The following HSP90B1 variants were observed in gnomAD, a reference collection of about 807,000 sequenced individuals.
HSP90B1 encodes heat shock protein 90 beta family member 1.
HSP90B1 carries 27 observed loss-of-function variants against 100.4 expected under a neutral mutation model. That is an observed-to-expected ratio of 0.27 (90% CI 0.20 to 0.37). The LOEUF (loss-of-function observed/expected upper bound fraction) is 0.37. HSP90B1 is among the 10% of genes least tolerant of loss of function. HSP90B1 has a pLI of 1.00. For synonymous variants in HSP90B1, 304 were observed against 330.8 expected (o/e 0.92, Z 0.88); for missense variants, 678 against 960.5 (o/e 0.71, Z 3.89).
intron 14 of HSP90B1, 108 bp from the exon 15 acceptor site, chr12:103,946,507 ATTT>A (rs374207514): frequency 6.5e-6 from 4 of 611,056 alleles, no homozygotes; most frequent in Admixed American, 3.2e-5. Flanking sequence ...GTACATTTTG[ATTT>A]TTTTTTTTTA....
rs1485338698 is a variant in HSP90B1 at position 103,943,074 on chromosome 12, G to A, written c.1645G>A (p.Ala549Thr). The change falls in exon 13 of 18, where the codon GCT becomes ACT. Residue 549 changes from alanine (A) to threonine (T), a missense_variant and splice_region_variant. Coordinates refer to ENST00000299767, the MANE Select transcript of HSP90B1 (RefSeq NM_003299.3). The surrounding 1 kb of genome is among the most constrained non-coding windows in gnomAD (Gnocchi z 5.3). ...YFMAGSSRKE[A>T]ESSPFVERLL... ...ACTTTGTGACTTCTTAATTTTGTAG[G>A]CTGAATCTTCTCCATTTGTTGAGCG... 4 of 1,613,764 alleles carry A rather than the reference G, an allele frequency of 2.5e-6. No individual in the cohort carries two copies. Among genetic ancestry groups the A allele is most frequent in the Non-Finnish European group, 8.5e-7 (1 of 1,179,874 alleles).
Position 103,941,851 on chromosome 12 carries a change from C to T in HSP90B1, c.1328C>T (p.Pro443Leu). The T allele has an allele frequency of 6.2e-7, 1 of 1,613,902 alleles. No individual in the cohort carries two copies. The highest frequency in any genetic ancestry group is 8.5e-7 in the Non-Finnish European group (1 of 1,179,850). ...CTGAAGGTGGACTCAGATGATCTCC[C>T]CTTGAATGTTTCCCGCGAGACTCTT... is the stretch of plus-strand genomic sequence containing the variant. ...VKGVVDSDDL[P>L]LNVSRETLQQ... The change falls in exon 11 of 18, where the codon CCC (proline) becomes CTC (leucine). Residue 443 changes from proline (P) to leucine (L), a missense_variant. Transcript: ENST00000299767.
chr12:103,939,358 C>A, intron 7 of HSP90B1, 151 bp from the exon 8 acceptor site: 1 of 360,148 alleles, frequency 2.8e-6, no homozygotes, highest in Non-Finnish European at 4.8e-6. Flanking sequence ...CTACCCTAAC[C>A]TCCCAAAGTG....
In HSP90B1 at chr12:103,937,782, T is replaced by C. The variant is rs1289061252; in HGVS notation, c.831T>C (p.Phe277=). The C allele has an allele frequency of 1.2e-5, 18 of 1,546,760 alleles. No homozygotes were observed. The highest frequency in any genetic ancestry group is 1.4e-5 in the Non-Finnish European group (16 of 1,120,284). The part of the protein sequence containing the change: ...LVKKYSQFIN[F]PIYVWSSKTE... ...AAAAATATTCACAGTTCATAAACTT[T>C]CCTATTTATGTATGGAGCAGCAAGG... The change falls in exon 6 of 18, where the codon TTT becomes TTC. Residue 277 remains phenylalanine (F), a synonymous_variant. Coordinates refer to ENST00000299767, the MANE Select transcript of HSP90B1 (RefSeq NM_003299.3).
intron 5 of HSP90B1, 49 bp from the exon 6 acceptor site, chr12:103,937,646 C>A: frequency 1.1e-6 from 1 of 881,368 alleles, no homozygotes; most frequent in Non-Finnish European, 1.9e-6. Flanking sequence ...AATTTATAAT[C>A]AGATCTTCTA....
In HSP90B1 at chr12:103,947,344, ACAG is replaced by A. The variant is rs1870266077; in HGVS notation, c.2300_2302del (p.Ala767del). 3 of 1,603,090 alleles carry A rather than the reference ACAG, an allele frequency of 1.9e-6. No individual in the cohort carries two copies. The highest frequency in any genetic ancestry group is 1.3e-5 in the African/African-American group (1 of 74,276). On this transcript the variant is annotated inframe_deletion, in exon 17 of 18. Transcript: ENST00000299767. ...AGAGCCCGAAGAAGAACCTGAAGAG[ACAG>A]CAGAAGACACAACAGAAGACACAGA...
Position 103,943,665 on chromosome 12 carries a change from A to C in HSP90B1, c.1891-73A>C. 1 of 1,413,426 alleles carries C rather than the reference A, an allele frequency of 7.1e-7. No individual in the cohort carries two copies. The highest frequency in any genetic ancestry group is 9.7e-7 in the Non-Finnish European group (1 of 1,026,770). The allele number at this position is 1,413,426 out of a possible 1,614,324, so 87.6% of individuals were successfully genotyped here. ...ATGATCTTAAGTGATAAAGTCTTAG[A>C]CAGTTGAAAGACAATTGCTCAATGA... is the stretch of plus-strand genomic sequence containing the variant. On this transcript the variant is annotated intron_variant, in intron 13 of 17. Coordinates refer to ENST00000299767, the MANE Select transcript of HSP90B1 (RefSeq NM_003299.3). This position sits in a 1 kb window ranked among gnomAD's most constrained non-coding sequence, Gnocchi z 5.3.
intron 12 of HSP90B1, 139 bp downstream of exon 12, chr12:103,942,935 G>T (rs1870119992): frequency 7.0e-7 from 1 of 1,422,658 alleles, no homozygotes. Flanking sequence ...TGACAGGAAG[G>T]TCATTTATAT....
chr12:103,932,164 C>T (rs776453947), intron 2 of HSP90B1, 113 bp from the exon 3 acceptor site: 2 of 781,700 alleles, frequency 2.6e-6, no homozygotes, highest in Non-Finnish European at 4.0e-6. Context: ...ATAAAGGTTT[C>T]CATTTTAACC....
Position 103,943,114 on chromosome 12 carries a change from G to A in HSP90B1, c.1685G>A (p.Gly562Asp). The change falls in exon 13 of 18, where the codon GGC becomes GAC. Residue 562 changes from glycine to aspartate, a missense_variant. By Grantham distance (94) the Gly-to-Asp change is moderately conservative. Transcript: ENST00000299767. This position sits in a 1 kb window ranked among gnomAD's most constrained non-coding sequence, Gnocchi z 5.3. ...SPFVERLLKK[G>D]YEVIYLTEPV... The stretch of plus-strand genomic sequence containing the variant: ...TTTGTTGAGCGACTTCTGAAAAAGG[G>A]CTATGAAGTTATTTACCTCACAGAA... 1 of 1,614,112 alleles carries A rather than the reference G, an allele frequency of 6.2e-7. No individual in the cohort carries two copies. The highest frequency in any genetic ancestry group is 1.1e-5 in the South Asian group (1 of 91,072).
At chr12:103,946,725 CT>C in intron 15 of HSP90B1, 29 bp downstream of exon 15, 1 of 1,612,522 alleles carries the variant, frequency 6.2e-7, no homozygotes, top group Non-Finnish European at 8.5e-7. Context: ...TCTTGCTTGT[CT>C]TTTAATTTGA....
intron 4 of HSP90B1, among the ~76,000 whole-genome samples, chr12:103,933,343 G>A (rs938560972): frequency 7.2e-5 from 11 of 152,360 alleles, no homozygotes; most frequent in African/African-American, 1.7e-4. Context: ...GGACAGAGGC[G>A]TGGGCAGCCA....
rs760121580 is a variant in HSP90B1 at position 103,947,685 on chromosome 12, CCT to C, written c.*24_*25del. On this transcript the variant is annotated 3_prime_UTR_variant, in exon 18 of 18. Coordinates refer to ENST00000299767, the MANE Select transcript of HSP90B1 (RefSeq NM_003299.3). ...TAAATTATACTCTCACCATTTGGAT[CCT>C]GTGTGGAGAGGGAATGTGAAATTTA... 6.9e-6 allele frequency: 11 copies of C among 1,583,660 alleles called. No individual in the cohort carries two copies. In the Admixed American group the frequency reaches 1.8e-4, roughly 26 times the overall value.
chr12:103,942,491 A>G lies in HSP90B1; in HGVS notation c.1375-36A>G, dbSNP rs143540294. 3.8e-6 allele frequency: 6 copies of G among 1,596,992 alleles called. No individual in the cohort carries two copies. The East Asian group carries it at 1.3e-4, about 36-fold the overall frequency. On this transcript the variant is annotated intron_variant, in intron 11 of 17. Transcript: ENST00000299767. ...CTTACATTCTCAAAAGTTGGAGATT[A>G]ACTTCTCTAATCAGTTATTCTTTCA...
chr12:103,935,784 A>G (rs992294328), intron 5 of HSP90B1, among the ~76,000 whole-genome samples: 6 of 152,232 alleles, frequency 3.9e-5, no homozygotes, highest in African/African-American at 1.4e-4. Context: ...AAGGAAAGAT[A>G]GAAAGTGATG....
chr12:103,942,969 C>T (rs1369831966), intron 12 of HSP90B1, 105 bp from the exon 13 acceptor site: 4 of 1,481,432 alleles, frequency 2.7e-6, no homozygotes, highest in East Asian at 2.3e-5. Context: ...TAATTCTTCA[C>T]CTGTAAAATG....
Position 103,934,226 on chromosome 12 carries a change from A to G in HSP90B1, c.682A>G (p.Asn228Asp). The stretch of plus-strand genomic sequence containing the variant: ...CCAGCACATCTGGGAGTCTGACTCC[A>G]ATGAATTTTCTGTAATTGCTGACCC... ...DTQHIWESDSNEFSVIADPRG... is the reference protein window; with the variant it reads ...DTQHIWESDSDEFSVIADPRG... Residue 228 changes from asparagine (N) to aspartate (D), a missense_variant, in exon 5 of 18, where the codon AAT becomes GAT. Transcript: ENST00000299767. 1 of 1,614,214 alleles carries G rather than the reference A, an allele frequency of 6.2e-7. No homozygotes were observed. The highest frequency in any genetic ancestry group is 8.5e-7 in the Non-Finnish European group (1 of 1,180,036).
chr12:103,943,439 T>A lies in HSP90B1; in HGVS notation c.1890+120T>A, dbSNP rs1327996360. 15 of 893,680 alleles carry A rather than the reference T, an allele frequency of 1.7e-5. No individual in the cohort carries two copies. The highest frequency in any genetic ancestry group is 2.3e-5 in the Non-Finnish European group (14 of 607,018). 55.4% of individuals were successfully genotyped at this position (893,680 alleles called of 1,614,324 possible). On this transcript the variant is annotated intron_variant, in intron 13 of 17. Transcript: ENST00000299767. The surrounding 1 kb of genome is among the most constrained non-coding windows in gnomAD (Gnocchi z 5.3). ...AACCATTAGAATGGTAAAAATTTAA[T>A]TAATGTAATTAAATTATTGGGAGAA...
chr12:103,946,762 C>A, intron 15 of HSP90B1, 24 bp from the exon 16 acceptor site: 1 of 1,613,372 alleles, frequency 6.2e-7, no homozygotes, highest in Non-Finnish European at 8.5e-7. Context: ...TAATATTAAT[C>A]TAGTGCATCT....
Sources: gnomAD v4.1 joint callset for allele counts (sites outside exome capture counted in the v4.1 genomes callset) on GRCh38, gnomAD v4.1.1 for gene constraint, Gnocchi (gnomAD v3.1) non-coding constraint, MANE v1.5 for transcripts, NCBI Gene and HGNC (gene_info 2026-07-23, HGNC 2026-07-21) for gene names.